Variants in SGCD observed in about 807,000 individuals in gnomAD.
SGCD encodes sarcoglycan delta.
Under a neutral mutation model 36.6 loss-of-function variants are expected in SGCD, and 18 were observed. The ratio of observed to expected loss-of-function variants is 0.49; its 90% confidence interval spans 0.34 to 0.73. The LOEUF is 0.73. Among genes scored for constraint, SGCD ranks in the 30% least tolerant of loss-of-function variants. The pLI, the probability that SGCD is intolerant of heterozygous loss-of-function variation, is 0.01. For synonymous variants in SGCD, 133 were observed against 130.6 expected (o/e 1.02, Z -0.12); for missense variants, 387 against 346.7 (o/e 1.12, Z -0.92).
At chr5:156,120,305 A>G (rs972824142) in intron 2 of SGCD, among the ~76,000 whole-genome samples, 1 of 152,086 alleles carries the variant, frequency 6.6e-6, no homozygotes, top group Non-Finnish European at 1.5e-5. Flanking sequence ...TCCCAAGAAA[A>G]CCAAGAATTA....
intron 3 of SGCD, among the ~76,000 whole-genome samples, chr5:156,130,736 T>C (rs1330073074): frequency 6.6e-6 from 1 of 152,136 alleles, no homozygotes; most frequent in Non-Finnish European, 1.5e-5. Flanking sequence ...TTCTTTTTTT[T>C]TTCTTTTGAG....
At chr5:155,939,373 G>T (rs567920496) in intron 1 of SGCD, among the ~76,000 whole-genome samples, 218 of 152,130 alleles carry the variant, frequency 1.4e-3, no homozygotes, top group African/African-American at 5.1e-3. Context: ...AAGCACAGTG[G>T]CTCACGCCTG....
chr5:156,083,155 T>C (rs557810665), intron 1 of SGCD, among the ~76,000 whole-genome samples: 2 of 152,320 alleles, frequency 1.3e-5, no homozygotes, highest in South Asian at 2.1e-4. Flanking sequence ...CTTCTGTATA[T>C]ATTCAAGATA....
At chr5:156,069,610 C>G (rs562389926) in intron 1 of SGCD, among the ~76,000 whole-genome samples, 1 of 152,002 alleles carries the variant, frequency 6.6e-6, no homozygotes, top group East Asian at 1.9e-4. Context: ...AATGCGGGCT[C>G]TTTTTTGGTT....
chr5:156,353,706 C>T (rs1290286674), intron 3 of SGCD, among the ~76,000 whole-genome samples: 1 of 152,150 alleles, frequency 6.6e-6, no homozygotes, highest in East Asian at 1.9e-4. Context: ...ACTGTGTGGT[C>T]ACTTTTAATC....
At chr5:156,719,374 A>ATT (rs1021546173) in intron 7 of SGCD, among the ~76,000 whole-genome samples, 30 of 146,728 alleles carry the variant, frequency 2.0e-4, no homozygotes, top group Admixed American at 1.9e-3. Context: ...CTCATCATAT[A>ATT]TTATAGATAT....
intron 1 of SGCD, among the ~76,000 whole-genome samples, chr5:156,075,671 A>G (rs1388809820): frequency 6.6e-6 from 1 of 152,224 alleles, no homozygotes; most frequent in East Asian, 1.9e-4. Context: ...TAATTATGGA[A>G]GACTTAAGAG....
chr5:156,275,838 G>T (rs1766306112), intron 3 of SGCD, among the ~76,000 whole-genome samples: 1 of 152,144 alleles, frequency 6.6e-6, no homozygotes, highest in Admixed American at 6.5e-5. Context: ...GTAATAATGT[G>T]AAATGGACCC....
intron 7 of SGCD, among the ~76,000 whole-genome samples, chr5:156,743,803 TC>T (rs1756811113): frequency 6.6e-6 from 1 of 152,258 alleles, no homozygotes; most frequent in African/African-American, 2.4e-5. Flanking sequence ...CTCAGCAGAT[TC>T]ATTGGTAAAA....
At chr5:156,144,146 A>T (rs1762650252) in intron 3 of SGCD, among the ~76,000 whole-genome samples, 2 of 152,158 alleles carry the variant, frequency 1.3e-5, no homozygotes, top group African/African-American at 4.8e-5. Flanking sequence ...GTTGTTGGAC[A>T]TTTGGGTTGG....
chr5:156,372,301 A>G (rs1338485704), intron 3 of SGCD, among the ~76,000 whole-genome samples: 1 of 152,202 alleles, frequency 6.6e-6, no homozygotes, highest in Non-Finnish European at 1.5e-5. Context: ...GTGTTAATCC[A>G]TTATTTGACT....
At chr5:156,423,933 T>C (rs1773548300) in intron 3 of SGCD, among the ~76,000 whole-genome samples, 2 of 152,010 alleles carry the variant, frequency 1.3e-5, no homozygotes, top group South Asian at 4.1e-4. Context: ...ATCGTCATCA[T>C]CATGGTCATA....
chr5:155,838,358 T>A, the SGCD span, among the ~76,000 whole-genome samples: 2 of 152,144 alleles, frequency 1.3e-5, no homozygotes, highest in Non-Finnish European at 2.9e-5. Flanking sequence ...TTAAGTTCCT[T>A]TTAGTCTATA....
At chr5:156,734,490 A>T (rs1449378109) in intron 7 of SGCD, among the ~76,000 whole-genome samples, 1 of 152,114 alleles carries the variant, frequency 6.6e-6, no homozygotes, top group Non-Finnish European at 1.5e-5. Context: ...AATTGGCTCC[A>T]TTCTCCTCAT....
chr5:155,816,550 ACT>A, the SGCD span, among the ~76,000 whole-genome samples: 1 of 152,048 alleles, frequency 6.6e-6, no homozygotes, highest in East Asian at 1.9e-4. Flanking sequence ...AGCAGAAGAA[ACT>A]CTACATATAA....
chr5:156,300,310 A>G (rs889368342), intron 3 of SGCD, among the ~76,000 whole-genome samples: 3 of 151,658 alleles, frequency 2.0e-5, no homozygotes, highest in Non-Finnish European at 4.4e-5. Context: ...GGGTTTTGGT[A>G]TATTGTTTTT....
chr5:156,090,359 A>G (rs958179879), intron 1 of SGCD, among the ~76,000 whole-genome samples: 1 of 152,194 alleles, frequency 6.6e-6, no homozygotes, highest in African/African-American at 2.4e-5. Flanking sequence ...GAGTACAAAG[A>G]GAAGAATTTT....
rs552705546 is a variant in SGCD at position 156,012,288 on chromosome 5, C to G, written c.-281-105590C>G. ...CACTTAAATGTTTTCATATTTGACT[C>G]CATATCCTATCTTACATGCTTACGT... On this transcript the variant is annotated intron_variant, in intron 1 of 9. Coordinates refer to the SGCD transcript ENST00000517913. Among the ~76,000 whole-genome samples the G allele has an allele frequency of 2.0e-5, 3 of 152,250 alleles. No individual in the cohort carries two copies. In the South Asian group the frequency reaches 6.2e-4, roughly 32 times the overall value.
At chr5:156,345,841 T>A (rs1020867524) in intron 3 of SGCD, among the ~76,000 whole-genome samples, 9 of 152,098 alleles carry the variant, frequency 5.9e-5, no homozygotes, top group Admixed American at 4.6e-4. Flanking sequence ...AATTACAAAG[T>A]TCATTTTTAT....
Sources: allele counts gnomAD v4.1 joint callset (sites outside exome capture counted in the v4.1 genomes callset), GRCh38; gene constraint gnomAD v4.1.1; transcripts MANE v1.5; gene names NCBI Gene and HGNC (gene_info 2026-07-23, HGNC 2026-07-21).